NF2: variants seen among roughly 807,000 people sequenced by gnomAD.
NF2 encodes the protein merlin.
In NF2, 8 loss-of-function variants were observed where a neutral mutation model predicts 83.7. The ratio of observed to expected loss-of-function variants is 0.10; its 90% CI spans 0.06 to 0.17. The LOEUF (loss-of-function observed/expected upper bound fraction) is 0.17, where lower values mean the gene tolerates loss of function less well. Ranked by LOEUF, NF2 falls within the 10% of genes least tolerant of loss-of-function variation. The pLI, the probability that NF2 is intolerant of heterozygous loss-of-function variation, is 1.00. For synonymous variants in NF2, 266 were observed against 269.6 expected (o/e 0.99, Z 0.13); for missense variants, 533 against 744.4 (o/e 0.72, Z 3.31).
chr22:29,670,160 A>G (rs765714017), intron 10 of NF2, among the ~76,000 whole-genome samples: 5 of 151,940 alleles, frequency 3.3e-5, no homozygotes, highest in Non-Finnish European at 7.4e-5. Flanking sequence ...TACCACACCT[A>G]GTTAATTTTA....
intron 1 of NF2, among the ~76,000 whole-genome samples, chr22:29,624,318 G>A (rs906149905): frequency 2.6e-5 from 4 of 151,906 alleles, no homozygotes; most frequent in South Asian, 2.1e-4. Context: ...AGCGATTCTC[G>A]TGCCTCAGCC....
intron 3 of NF2, among the ~76,000 whole-genome samples, chr22:29,641,363 G>A (rs1601587923): frequency 6.6e-6 from 1 of 152,154 alleles, no homozygotes; most frequent in Non-Finnish European, 1.5e-5. Context: ...TATAGAAATG[G>A]CTTTCTTGTA....
At chr22:29,614,503 A>G (rs1436335215) in intron 1 of NF2, among the ~76,000 whole-genome samples, 1 of 151,480 alleles carries the variant, frequency 6.6e-6, no homozygotes, top group Non-Finnish European at 1.5e-5. Flanking sequence ...AATGGCGTGA[A>G]TCCAGGAGGT....
chr22:29,691,411 G>A (rs1215036013), intron 15 of NF2, among the ~76,000 whole-genome samples: 1 of 152,220 alleles, frequency 6.6e-6, no homozygotes, highest in East Asian at 1.9e-4. Flanking sequence ...GCAGTGTAGA[G>A]GGACCCAGGC....
In NF2 at chr22:29,694,618, C is replaced by T; in HGVS notation, c.1738-134C>T. On this transcript the variant is annotated intron_variant, in intron 15 of 15. Coordinates refer to ENST00000338641, the MANE Select transcript of NF2 (RefSeq NM_000268.4). The surrounding 1 kb of genome is among the most constrained non-coding windows in gnomAD (Gnocchi z 4.1). ...CTTATTTGGGACTGACAGCCAACTT[C>T]TTGAGCATCTATTTGAACAGCCTTC... The T allele has an allele frequency of 1.1e-6, 1 of 884,110 alleles. No homozygotes were observed. The highest frequency in any genetic ancestry group is 1.4e-5 in the South Asian group (1 of 70,612). The allele number at this position is 884,110 out of a possible 1,614,324, so 54.8% of individuals were successfully genotyped here.
At chr22:29,650,658 G>T (rs1010275199) in intron 4 of NF2, among the ~76,000 whole-genome samples, 7 of 134,078 alleles carry the variant, frequency 5.2e-5, no homozygotes, top group Admixed American at 8.4e-5. Context: ...CTCCCCTTCT[G>T]TTTCTTTTTC....
At chr22:29,643,947 G>A (rs2065893119) in intron 4 of NF2, among the ~76,000 whole-genome samples, 1 of 132,706 alleles carries the variant, frequency 7.5e-6, no homozygotes, top group Non-Finnish European at 1.7e-5. Context: ...CTCCCGGACG[G>A]GGCGGCTGGC....
At chr22:29,655,046 G>C (rs113121912) in intron 5 of NF2, among the ~76,000 whole-genome samples, 3 of 152,120 alleles carry the variant, frequency 2.0e-5, no homozygotes, top group African/African-American at 4.8e-5. Context: ...GAATTGAGCT[G>C]TTTGCAGTGG....
In NF2 at chr22:29,603,803, C is replaced by T. The variant is rs923248841; in HGVS notation, c.-196C>T. The T allele has an allele frequency of 3.8e-5, 22 of 579,138 alleles. 1 individual carries two copies. The East Asian group carries it at 6.5e-4, about 17-fold the overall frequency. 35.9% of individuals were successfully genotyped at this position (579,138 alleles called of 1,614,324 possible). A position where few individuals can be genotyped will look rare whatever the true frequency, so the allele number is the denominator to read the frequency against. ...CCCTGCAGCCGTCAGGGCCCGTCCC[C>T]CAACTCCCCTTTCCGCTCAGGCAGG... On this transcript the variant is annotated 5_prime_UTR_variant, in exon 1 of 16. Coordinates refer to ENST00000338641, the MANE Select transcript of NF2 (RefSeq NM_000268.4).
chr22:29,655,697 GT>G, intron 6 of NF2, 21 bp downstream of exon 6: 1 of 1,552,020 alleles, frequency 6.4e-7, no homozygotes, highest in Non-Finnish European at 8.9e-7. Context: ...TTCATTGTTG[GT>G]TTACATTCCT....
At chr22:29,639,710 C>T (rs562673211) in intron 3 of NF2, among the ~76,000 whole-genome samples, 2 of 150,548 alleles carry the variant, frequency 1.3e-5, no homozygotes, top group African/African-American at 2.4e-5. Flanking sequence ...GGTGAAACCC[C>T]GTCTCTACTA....
chr22:29,670,218 A>G (rs1487942605), intron 10 of NF2, among the ~76,000 whole-genome samples: 1 of 152,142 alleles, frequency 6.6e-6, no homozygotes, highest in Admixed American at 6.5e-5. Context: ...GGCTGATCTC[A>G]AACTCCTGGG....
intron 4 of NF2, among the ~76,000 whole-genome samples, chr22:29,648,056 G>A (rs571829380): frequency 2.6e-5 from 4 of 151,998 alleles, no homozygotes; most frequent in Middle Eastern, 3.4e-3. Context: ...GCTTGAATCC[G>A]GGAGGCAGAA....
At chr22:29,628,707 T>C (rs1467482922) in intron 1 of NF2, among the ~76,000 whole-genome samples, 2 of 149,748 alleles carry the variant, frequency 1.3e-5, no homozygotes, top group Non-Finnish European at 3.0e-5. Flanking sequence ...CTTGGTTTAC[T>C]GCAACCTCTG....
intron 15 of NF2, among the ~76,000 whole-genome samples, chr22:29,689,406 C>CGTCCTTTT (rs2067349143): frequency 6.6e-6 from 1 of 152,002 alleles, no homozygotes; most frequent in Non-Finnish European, 1.5e-5. Context: ...AGGATCTGCA[C>CGTCCTTTT]GTCCTTTTGT....
At chr22:29,690,754 G>A (rs1288661353) in intron 15 of NF2, among the ~76,000 whole-genome samples, 1 of 152,222 alleles carries the variant, frequency 6.6e-6, no homozygotes, top group African/African-American at 2.4e-5. Context: ...ACAGCTGGAG[G>A]AGAGCAGCGG....
Position 29,680,906 on chromosome 22 carries a change from G to A in NF2, c.1575-533G>A, listed in dbSNP as rs541157417. ...ACTGCTCCAAGAAGGGTTGAGACAA[G>A]GAGATTGTTCTGGGTTCCCAGGAAG... On this transcript the variant is annotated intron_variant, in intron 14 of 15. Coordinates refer to ENST00000338641, the MANE Select transcript of NF2 (RefSeq NM_000268.4). 2.6e-5 allele frequency among the ~76,000 whole-genome samples: 4 copies of A among 151,548 alleles called. No homozygotes were observed. The South Asian group carries it at 8.3e-4, about 32-fold the overall frequency.
intron 1 of NF2, among the ~76,000 whole-genome samples, chr22:29,617,264 A>G (rs940286975): frequency 2.6e-5 from 4 of 152,092 alleles, no homozygotes; most frequent in Non-Finnish European, 4.4e-5. Context: ...TTCAGCCGCA[A>G]TTTTGCCAGG....
At chr22:29,613,380 A>T (rs1295955957) in intron 1 of NF2, among the ~76,000 whole-genome samples, 1 of 152,052 alleles carries the variant, frequency 6.6e-6, no homozygotes, top group Non-Finnish European at 1.5e-5. Flanking sequence ...AAATACAAAA[A>T]TTAACCGGGC....
Sources: gnomAD v4.1 joint callset for allele counts (sites outside exome capture counted in the v4.1 genomes callset) on GRCh38, gnomAD v4.1.1 for gene constraint, Gnocchi (gnomAD v3.1) non-coding constraint, MANE v1.5 for transcripts, NCBI Gene and HGNC (gene_info 2026-07-23, HGNC 2026-07-21) for gene names.